Variants in DCDC1 observed in about 807,000 individuals in gnomAD.
DCDC1 encodes doublecortin domain containing 1, also known as doublecortin domain-containing protein 1.
A neutral mutation model predicts 178.3 loss-of-function variants in DCDC1; 200 were observed. That is an observed-to-expected ratio of 1.12 (90% CI 1.00 to 1.26). The LOEUF is 1.26. Ranked by LOEUF, DCDC1 falls within the 50% of genes most tolerant of loss-of-function variation. The pLI is 0.00. For synonymous variants in DCDC1, 690 were observed against 604.8 expected (o/e 1.14, Z -2.07); for missense variants, 1,983 against 1,749.2 (o/e 1.13, Z -2.38).
intron 1 of DCDC1, among the ~76,000 whole-genome samples, chr11:31,360,109 G>C (rs1951630917): frequency 6.6e-6 from 1 of 152,192 alleles, no homozygotes; most frequent in African/African-American, 2.4e-5. Context: ...AACATGTCTA[G>C]ACATGGTAGA....
intron 20 of DCDC1, among the ~76,000 whole-genome samples, chr11:31,000,015 A>G (rs1290867629): frequency 2.0e-5 from 3 of 152,092 alleles, no homozygotes; most frequent in Non-Finnish European, 2.9e-5. Context: ...GGCTTCAGGT[A>G]AGAGGAACCA....
At chr11:31,244,633 T>A (rs1267909670) in intron 8 of DCDC1, among the ~76,000 whole-genome samples, 2 of 151,744 alleles carry the variant, frequency 1.3e-5, no homozygotes, top group Non-Finnish European at 3.0e-5. Flanking sequence ...GGTAAGAACT[T>A]CTCTTTTGTG....
intron 20 of DCDC1, among the ~76,000 whole-genome samples, chr11:31,003,097 T>G (rs1951662094): frequency 6.6e-6 from 1 of 150,860 alleles, no homozygotes; most frequent in African/African-American, 2.4e-5. Context: ...AATATATATA[T>G]ATATATATAA....
chr11:31,048,697 T>TA (rs914073648), intron 20 of DCDC1, among the ~76,000 whole-genome samples: 61 of 149,196 alleles, frequency 4.1e-4, no homozygotes, highest in Middle Eastern at 3.4e-3. Context: ...ACTAAAAATA[T>TA]AAAAAAAAAA....
rs1555184028 is a variant in DCDC1, at chr11:31,341,424, T to TAGACAGAC, written c.-124-5861_-124-5860insGTCTGTCT. ...ATAGATAGATAGATAGATAGATAGA[T>TAGACAGAC]AGATAGATAGATAGACATGTGTTGC... On this transcript the variant is annotated intron_variant, in intron 1 of 38. Coordinates refer to ENST00000684477, the MANE Select transcript of DCDC1 (RefSeq NM_001387274.1). Among the ~76,000 whole-genome samples the TAGACAGAC allele has an allele frequency of 2.0e-4, 30 of 150,454 alleles. 1 individual carries two copies. The highest frequency in any genetic ancestry group is 6.4e-4 in the African/African-American group (26 of 40,772).
intron 9 of DCDC1, among the ~76,000 whole-genome samples, chr11:31,151,799 G>T (rs1413117973): frequency 6.6e-6 from 1 of 152,124 alleles, no homozygotes; most frequent in Non-Finnish European, 1.5e-5. Context: ...AACATCTTAA[G>T]CAGACCTATA....
At chr11:31,063,429 T>C (rs981462106) in intron 20 of DCDC1, among the ~76,000 whole-genome samples, 2 of 152,144 alleles carry the variant, frequency 1.3e-5, no homozygotes, top group Non-Finnish European at 2.9e-5. Context: ...CTATTCACAA[T>C]AGCAAAGACT....
intron 1 of DCDC1, among the ~76,000 whole-genome samples, chr11:31,337,176 G>T (rs1312684240): frequency 6.6e-6 from 1 of 152,186 alleles, no homozygotes; most frequent in Non-Finnish European, 1.5e-5. Flanking sequence ...TTAGAGCAAA[G>T]AAATAAGGAT....
At chr11:31,087,739 C>G (rs1957567781) in intron 17 of DCDC1, among the ~76,000 whole-genome samples, 3 of 152,032 alleles carry the variant, frequency 2.0e-5, no homozygotes, top group Admixed American at 2.0e-4. Flanking sequence ...TGTTTCATAG[C>G]CATTATATAG....
intron 3 of DCDC1, among the ~76,000 whole-genome samples, chr11:31,310,744 T>C (rs193148849): frequency 1.8e-4 from 27 of 152,304 alleles, no homozygotes; most frequent in African/African-American, 5.3e-4. Context: ...TAAACCCACA[T>C]AGTCAGTTTG....
chr11:31,009,107 G>T (rs1386639797), intron 20 of DCDC1, among the ~76,000 whole-genome samples: 3 of 152,098 alleles, frequency 2.0e-5, no homozygotes, highest in African/African-American at 7.2e-5. Flanking sequence ...TATATAACAA[G>T]ACTTTAGTTT....
chr11:31,003,984 G>A (rs898688431), intron 20 of DCDC1, among the ~76,000 whole-genome samples: 1 of 152,162 alleles, frequency 6.6e-6, no homozygotes, highest in African/African-American at 2.4e-5. Flanking sequence ...GCTTGGGCAA[G>A]TGGTGGCTGG....
chr11:31,308,201 T>C (rs1948574495), intron 3 of DCDC1, among the ~76,000 whole-genome samples: 3 of 152,314 alleles, frequency 2.0e-5, no homozygotes, highest in Non-Finnish European at 4.4e-5. Context: ...AAAATCCACA[T>C]TCATAACCAT....
At chr11:31,316,332 G>T (rs1244504831) in intron 3 of DCDC1, among the ~76,000 whole-genome samples, 14 of 129,830 alleles carry the variant, frequency 1.1e-4, no homozygotes, top group South Asian at 2.8e-4. Context: ...TCCTGACTTT[G>T]TAATGATTGC....
chr11:31,105,205 A>G (rs1357794259), intron 13 of DCDC1, among the ~76,000 whole-genome samples: 2 of 152,074 alleles, frequency 1.3e-5, no homozygotes, highest in Non-Finnish European at 1.5e-5. Context: ...AAAAAAATAC[A>G]TTAAACTGTT....
chr11:31,107,211 CG>C (rs1958911464), intron 12 of DCDC1, among the ~76,000 whole-genome samples: 1 of 152,100 alleles, frequency 6.6e-6, no homozygotes, highest in South Asian at 2.1e-4. Flanking sequence ...CCCTTTGGCA[CG>C]GGGACTGAAA....
Position 31,077,915 on chromosome 11 carries a change from C to T in DCDC1, c.2248G>A (p.Asp750Asn), listed in dbSNP as rs750258684. The change falls in exon 18 of 39, where the codon GAT becomes AAT. Residue 750 changes from aspartate to asparagine, a missense_variant. By Grantham distance (23) the Asp-to-Asn change is conservative (BLOSUM62 1). Coordinates refer to ENST00000684477, the MANE Select transcript of DCDC1 (RefSeq NM_001387274.1). ...KLILQKRHSG[D>N]DSQKWVFGTD... ...CCAAACACCCACTTCTGAGAGTCAT[C>T]TCCACTATGTCTGTAACGAAAATGT... is the stretch of plus-strand genomic sequence containing the variant. 3.9e-6 allele frequency: 3 copies of T among 766,048 alleles called. No homozygotes were observed. Among genetic ancestry groups the T allele is most frequent in the Non-Finnish European group, 2.4e-6 (1 of 417,736 alleles). 47.5% of individuals were successfully genotyped at this position (766,048 alleles called of 1,614,324 possible). A position where few individuals can be genotyped will look rare whatever the true frequency, so the allele number is the denominator to read the frequency against.
intron 8 of DCDC1, among the ~76,000 whole-genome samples, chr11:31,261,391 C>T (rs2616806): frequency 6.6e-6 from 1 of 151,968 alleles, no homozygotes; most frequent in Non-Finnish European, 1.5e-5. Flanking sequence ...TGATTTTGCA[C>T]AATGTATTGT....
At chr11:31,168,737 G>A (rs2136207666) in intron 9 of DCDC1, among the ~76,000 whole-genome samples, 1 of 152,278 alleles carries the variant, frequency 6.6e-6, no homozygotes, top group East Asian at 1.9e-4. Flanking sequence ...TCTCACTTGT[G>A]AGACAGAAAT....
Sources: gnomAD v4.1 joint callset for allele counts (sites outside exome capture counted in the v4.1 genomes callset) on GRCh38, gnomAD v4.1.1 for gene constraint, MANE v1.5 for transcripts, NCBI Gene and HGNC (gene_info 2026-07-23, HGNC 2026-07-21) for gene names.